STK32C: variants seen among roughly 807,000 people sequenced by gnomAD.
STK32C encodes the protein serine/threonine kinase 32C.
In STK32C, 31 loss-of-function variants were observed where a neutral mutation model predicts 56.5. The observed-to-expected ratio is 0.55, with a 90% CI of 0.41 to 0.74. The LOEUF is 0.74. Ranked by LOEUF, STK32C falls within the 30% of genes least tolerant of loss-of-function variation. STK32C has a pLI of 0.00. For missense variants in STK32C, 544 were observed against 676.9 expected (o/e 0.80, Z 2.18); for synonymous variants, 309 against 289.4 (o/e 1.07, Z -0.69).
chr10:132,231,740 G>A (rs151312760), intron 2 of STK32C, among the ~76,000 whole-genome samples: 114 of 152,330 alleles, frequency 7.5e-4, no homozygotes, highest in Non-Finnish European at 1.1e-3. Flanking sequence ...AGAAGATGAC[G>A]CAGGCATGGG....
Position 132,228,150 on chromosome 10 carries a change from G to T in STK32C, c.319-22C>A, listed in dbSNP as rs201818556. 5.6e-5 allele frequency: 91 copies of T among 1,613,790 alleles called. 3 individuals carry two copies. The South Asian group carries it at 9.6e-4, about 17-fold the overall frequency. On this transcript the variant is annotated intron_variant, in intron 2 of 11. Transcript: ENST00000298630. ...ACACCTGGAGGGCACAGGGCTGTTC[G>T]GCAGGACGCCTGAGGACGCCTGGGG...
chr10:132,217,901 T>C (rs953057090), intron 10 of STK32C, among the ~76,000 whole-genome samples: 68 of 152,286 alleles, frequency 4.5e-4, no homozygotes, highest in African/African-American at 1.6e-3. Flanking sequence ...ATGCCTTTAT[T>C]AGCAGTGTGA....
chr10:132,248,029 G>A (rs976869912), intron 1 of STK32C, among the ~76,000 whole-genome samples: 6 of 152,156 alleles, frequency 3.9e-5, no homozygotes, highest in Middle Eastern at 3.4e-3. Context: ...CGTTCCAGGC[G>A]GCAGCTGCCC....
chr10:132,222,429 T>C (rs1048536841), intron 10 of STK32C, among the ~76,000 whole-genome samples: 3 of 152,160 alleles, frequency 2.0e-5, no homozygotes, highest in African/African-American at 7.2e-5. Flanking sequence ...ACCCCAGCCC[T>C]GGTTGTCCCT....
intron 2 of STK32C, 52 bp from the exon 3 acceptor site, chr10:132,228,180 G>GTGGGGACACC (rs778731362): frequency 6.2e-7 from 1 of 1,612,516 alleles, no homozygotes; most frequent in African/African-American, 1.3e-5. Flanking sequence ...CTGGGGACAC[G>GTGGGGACACC]TGGGGACACC....
Position 132,282,049 on chromosome 10 carries a change from G to A in STK32C, c.262+25523C>T, listed in dbSNP as rs374516950. Among the ~76,000 whole-genome samples, 430 of 152,340 alleles carry A rather than the reference G, an allele frequency of 2.8e-3. 4 individuals are homozygous for A. In the South Asian group the frequency reaches 0.044, roughly 16 times the overall value. ...CTGATCCCGGCCTGGAGGCAGAGCC[G>A]CCAGCTGGCCAGGCAGCAGCCCAGC... is the stretch of plus-strand genomic sequence containing the variant. On this transcript the variant is annotated intron_variant, in intron 1 of 11. Coordinates refer to ENST00000298630, the MANE Select transcript of STK32C (RefSeq NM_173575.4).
chr10:132,207,950 T>TA lies in STK32C; in HGVS notation c.*59_*60insT. The stretch of plus-strand genomic sequence containing the variant: ...AATGCCAGGCCTCGGCCCATGGCCC[T>TA]CCCTCTGGCAGCCGAGTCTCCAAAG... On this transcript the variant is annotated 3_prime_UTR_variant, in exon 12 of 12. Transcript: ENST00000298630. The TA allele has an allele frequency of 1.6e-6, 2 of 1,266,774 alleles. No homozygotes were observed. The highest frequency in any genetic ancestry group is 2.0e-6 in the Non-Finnish European group (2 of 1,000,366). 78.5% of individuals were successfully genotyped at this position (1,266,774 alleles called of 1,614,324 possible).
chr10:132,249,606 C>T (rs970281528), intron 1 of STK32C, among the ~76,000 whole-genome samples: 1 of 152,132 alleles, frequency 6.6e-6, no homozygotes, highest in Non-Finnish European at 1.5e-5. Context: ...TGGCAGGGGG[C>T]TGACCGGCAT....
intron 1 of STK32C, among the ~76,000 whole-genome samples, chr10:132,297,949 T>C (rs2065804215): frequency 1.3e-5 from 2 of 152,266 alleles, no homozygotes; most frequent in Non-Finnish European, 2.9e-5. Flanking sequence ...AGAAGATGCT[T>C]TGTGTCTCCT....
intron 1 of STK32C, among the ~76,000 whole-genome samples, chr10:132,275,094 C>T (rs1311128021): frequency 6.6e-6 from 1 of 152,182 alleles, no homozygotes; most frequent in Non-Finnish European, 1.5e-5. Flanking sequence ...CCTGGAAGCA[C>T]CCAGGGGGCC....
intron 1 of STK32C, among the ~76,000 whole-genome samples, chr10:132,273,762 GTGAA>G (rs1395547390): frequency 2.0e-5 from 3 of 152,144 alleles, no homozygotes; most frequent in Admixed American, 6.5e-5. Context: ...AATGCAGTGA[GTGAA>G]TGAACACATG....
chr10:132,274,392 T>C (rs1212778600), intron 1 of STK32C, among the ~76,000 whole-genome samples: 4 of 152,238 alleles, frequency 2.6e-5, no homozygotes, highest in Admixed American at 2.0e-4. Flanking sequence ...TATCTCATGG[T>C]AAGTGCACGG....
At chr10:132,213,644 T>C (rs929497261) in intron 10 of STK32C, among the ~76,000 whole-genome samples, 10 of 151,838 alleles carry the variant, frequency 6.6e-5, no homozygotes, top group East Asian at 1.9e-4. Flanking sequence ...AGGAAAAAAA[T>C]AGAGTGTGAA....
At chr10:132,304,961 C>G (rs993729758) in intron 1 of STK32C, among the ~76,000 whole-genome samples, 1 of 152,206 alleles carries the variant, frequency 6.6e-6, no homozygotes, top group Non-Finnish European at 1.5e-5. Flanking sequence ...GAGCGCCCCC[C>G]AGGTTGCAGA....
At position 132,211,720 on chromosome 10, in the gene STK32C, G is replaced by A. The variant is rs533449077; in HGVS notation, c.1252-2619C>T. ...CACACACAGTCAGAAGGCCACAGAG[G>A]GGCCCTTCGCCCATGACTGACTGGT... On this transcript the variant is annotated intron_variant, in intron 10 of 11. Coordinates refer to ENST00000298630, the MANE Select transcript of STK32C (RefSeq NM_173575.4). Among the ~76,000 whole-genome samples the A allele has an allele frequency of 2.0e-4, 30 of 152,290 alleles. No homozygotes were observed. The South Asian group carries it at 3.3e-3, about 17-fold the overall frequency.
At chr10:132,284,897 C>T (rs1284595818) in intron 1 of STK32C, among the ~76,000 whole-genome samples, 1 of 146,344 alleles carries the variant, frequency 6.8e-6, no homozygotes, top group Non-Finnish European at 1.5e-5. Flanking sequence ...CACATTCCCA[C>T]GTCTGTCCAA....
At chr10:132,237,695 G>A (rs904874338) in intron 2 of STK32C, among the ~76,000 whole-genome samples, 3 of 152,230 alleles carry the variant, frequency 2.0e-5, no homozygotes, top group Admixed American at 2.0e-4. Context: ...CCCAAGTGCA[G>A]CTTCACCCCT....
downstream of STK32C, among the ~76,000 whole-genome samples, chr10:132,321,587 T>A (rs151170316): frequency 3.9e-3 from 596 of 152,256 alleles, 5 homozygotes; most frequent in African/African-American, 0.014. Context: ...CCCAGCACTT[T>A]GGGAGGCCAA....
At chr10:132,315,022 T>C (rs2066287483) in intron 1 of STK32C, among the ~76,000 whole-genome samples, 1 of 152,068 alleles carries the variant, frequency 6.6e-6, no homozygotes, top group Admixed American at 6.5e-5. Context: ...TAATCCCAGC[T>C]ACTTGGGAGG....
Sources: allele counts gnomAD v4.1 joint callset (sites outside exome capture counted in the v4.1 genomes callset), GRCh38; gene constraint gnomAD v4.1.1; transcripts MANE v1.5; gene names NCBI Gene and HGNC (gene_info 2026-07-23, HGNC 2026-07-21).